The following AMBRA1 variants were observed in gnomAD, a reference collection of about 807,000 sequenced individuals.
AMBRA1 encodes activating molecule in BECN1-regulated autophagy protein 1.
Under a neutral mutation model 125.4 loss-of-function variants are expected in AMBRA1, and 47 were observed. That is an observed-to-expected ratio of 0.37 (90% CI 0.30 to 0.48). The LOEUF (loss-of-function observed/expected upper bound fraction) is 0.48, where lower values mean the gene tolerates loss of function less well. Among genes scored for constraint, AMBRA1 ranks in the 20% least tolerant of loss-of-function variants. The pLI is 0.99. For synonymous variants in AMBRA1, 626 were observed against 655.5 expected (o/e 0.95, Z 0.69); for missense variants, 1,331 against 1,693.4 (o/e 0.79, Z 3.76).
chr11:46,477,499 G>GAAAA (rs982612219), intron 11 of AMBRA1, among the ~76,000 whole-genome samples: 81 of 112,368 alleles, frequency 7.2e-4, no homozygotes, highest in East Asian at 6.3e-3. Context: ...CTAATTTCTG[G>GAAAA]AAAAAAAAAA....
chr11:46,578,604 C>T (rs963382379), intron 1 of AMBRA1, among the ~76,000 whole-genome samples: 3 of 151,768 alleles, frequency 2.0e-5, no homozygotes, highest in South Asian at 4.2e-4. Flanking sequence ...AAAACAATGG[C>T]GGGGCACAGT....
chr11:46,398,354 G>A (rs893937266), intron 17 of AMBRA1, among the ~76,000 whole-genome samples: 5 of 152,220 alleles, frequency 3.3e-5, no homozygotes, highest in African/African-American at 9.6e-5. Flanking sequence ...CCCTTTCTCT[G>A]CAAAGAGAGT....
intron 9 of AMBRA1, among the ~76,000 whole-genome samples, chr11:46,501,764 G>A (rs754356287): frequency 8.5e-5 from 13 of 152,152 alleles, no homozygotes; most frequent in Non-Finnish European, 1.5e-4. Context: ...TTATTTCAAT[G>A]TTTAATATAA....
chr11:46,398,687 A>T (rs1945572402), intron 17 of AMBRA1, among the ~76,000 whole-genome samples: 1 of 152,136 alleles, frequency 6.6e-6, no homozygotes, highest in African/African-American at 2.4e-5. Flanking sequence ...CATGTTAACC[A>T]GGATGTTCTT....
rs529676169 is a variant in AMBRA1 at position 46,506,396 on chromosome 11, T to C, written c.2339+1795A>G. ...TTCCTTTTGCTTCTAAGAGCACAAA[T>C]GCTAGTAGTGTGTTTAATGACAGCA... On this transcript the variant is annotated intron_variant, in intron 9 of 17. Coordinates refer to ENST00000683756, the MANE Select transcript of AMBRA1 (RefSeq NM_001387011.1). 7.2e-5 allele frequency among the ~76,000 whole-genome samples: 11 copies of C among 152,368 alleles called. No homozygotes were observed. The South Asian group carries it at 1.9e-3, about 26-fold the overall frequency.
At chr11:46,527,219 C>A (rs1952010923) in intron 7 of AMBRA1, among the ~76,000 whole-genome samples, 1 of 152,052 alleles carries the variant, frequency 6.6e-6, no homozygotes, top group South Asian at 2.1e-4. Flanking sequence ...GTTGCTCACT[C>A]CTGTAATCCC....
rs2044670854 is a variant in AMBRA1, at chr11:46,593,232, G to C, written c.-121+596C>G. On this transcript the variant is annotated intron_variant, in intron 1 of 17. Transcript: ENST00000683756. ...ACTCACTGTTTTCATAACTTGACTG[G>C]TAAGTGGGGGGAAGGGAATTGGTAA... 1.3e-5 allele frequency among the ~76,000 whole-genome samples: 2 copies of C among 152,182 alleles called. 1 individual carries two copies. Among genetic ancestry groups the C allele is most frequent in the South Asian group, 4.1e-4 (2 of 4,828 alleles).
intron 16 of AMBRA1, among the ~76,000 whole-genome samples, chr11:46,409,725 G>C (rs1278844213): frequency 6.6e-6 from 1 of 152,244 alleles, no homozygotes; most frequent in African/African-American, 2.4e-5. Context: ...ATTTCTAGCT[G>C]CTTCTGGGAC....
intron 1 of AMBRA1, among the ~76,000 whole-genome samples, chr11:46,559,182 C>A (rs565550589): frequency 1.4e-4 from 22 of 152,086 alleles, no homozygotes; most frequent in South Asian, 8.3e-4. Flanking sequence ...CCCCTGTAAT[C>A]CCAGCTACTC....
chr11:46,547,777 T>C (rs1444590322), intron 3 of AMBRA1, 40 bp downstream of exon 3: 10 of 1,578,528 alleles, frequency 6.3e-6, no homozygotes, highest in Non-Finnish European at 8.6e-6. Context: ...CAGAAAGCAC[T>C]GTTATCACAA....
At chr11:46,561,236 C>G (rs1008999498) in intron 1 of AMBRA1, among the ~76,000 whole-genome samples, 3 of 152,068 alleles carry the variant, frequency 2.0e-5, no homozygotes, top group African/African-American at 7.2e-5. Context: ...CAAAAATTAG[C>G]TGGGCGTGGT....
intron 1 of AMBRA1, among the ~76,000 whole-genome samples, chr11:46,579,201 T>A (rs1034656698): frequency 6.6e-6 from 1 of 152,172 alleles, no homozygotes; most frequent in African/African-American, 2.4e-5. Flanking sequence ...CTCACGCCTG[T>A]AATCCCAGCA....
At chr11:46,445,675 G>A (rs990368617) in intron 11 of AMBRA1, among the ~76,000 whole-genome samples, 3 of 152,156 alleles carry the variant, frequency 2.0e-5, no homozygotes, top group Non-Finnish European at 4.4e-5. Context: ...CAGTTCCACT[G>A]AGTTTCCGAA....
chr11:46,405,553 T>TA (rs35841266), intron 17 of AMBRA1, among the ~76,000 whole-genome samples: 7 of 150,496 alleles, frequency 4.7e-5, no homozygotes, highest in East Asian at 4.0e-4. Context: ...ACCCTATCTC[T>TA]AAAAAAAAAT....
chr11:46,398,383 G>A (rs1590696283), intron 17 of AMBRA1, among the ~76,000 whole-genome samples: 1 of 152,222 alleles, frequency 6.6e-6, no homozygotes, highest in Admixed American at 6.5e-5. Flanking sequence ...TATGGGTGTG[G>A]CCCAAAGGGA....
At chr11:46,475,204 A>G (rs1949770687) in intron 11 of AMBRA1, among the ~76,000 whole-genome samples, 1 of 152,254 alleles carries the variant, frequency 6.6e-6, no homozygotes. Flanking sequence ...AGTGCTACCT[A>G]TAACTTGGAA....
intron 12 of AMBRA1, among the ~76,000 whole-genome samples, chr11:46,440,956 G>C (rs1947971068): frequency 1.3e-5 from 2 of 152,118 alleles, no homozygotes; most frequent in South Asian, 4.1e-4. Flanking sequence ...AGCCCAGAGT[G>C]GTAATTCATA....
At chr11:46,452,339 G>T (rs554237041) in intron 11 of AMBRA1, among the ~76,000 whole-genome samples, 52 of 151,682 alleles carry the variant, frequency 3.4e-4, no homozygotes, top group Middle Eastern at 3.4e-3. Context: ...AAGGTTTTTT[G>T]TTGTTGTTGT....
intron 11 of AMBRA1, among the ~76,000 whole-genome samples, chr11:46,466,548 G>T (rs1197494492): frequency 6.6e-6 from 1 of 152,028 alleles, no homozygotes; most frequent in African/African-American, 2.4e-5. Flanking sequence ...TGGATTCAGG[G>T]GTCAAGAGCT....
Sources: gnomAD v4.1 joint callset for allele counts (sites outside exome capture counted in the v4.1 genomes callset) on GRCh38, gnomAD v4.1.1 for gene constraint, MANE v1.5 for transcripts, NCBI Gene and HGNC (gene_info 2026-07-23, HGNC 2026-07-21) for gene names.